Variants in ZNF277 observed in about 807,000 individuals in gnomAD.
ZNF277 encodes the protein zinc finger protein 277.
In ZNF277, 55 loss-of-function variants were observed where a neutral mutation model predicts 60.7. The ratio of observed to expected loss-of-function variants is 0.91; its 90% confidence interval spans 0.73 to 1.13. The LOEUF (loss-of-function observed/expected upper bound fraction) is 1.13. Among genes scored for constraint, ZNF277 ranks in the 50% most tolerant of loss-of-function variants. The probability of loss-of-function intolerance (pLI) is 0.00; values close to 1 mark genes in which losing one functional copy is unlikely to be tolerated. For synonymous variants in ZNF277, 178 were observed against 179.3 expected (o/e 0.99, Z 0.06); for missense variants, 510 against 523.0 (o/e 0.98, Z 0.24).
intron 7 of ZNF277, among the ~76,000 whole-genome samples, chr7:112,333,487 T>C (rs1793267833): frequency 6.6e-6 from 1 of 152,206 alleles, no homozygotes; most frequent in African/African-American, 2.4e-5. Context: ...ATAGCAGATA[T>C]ATGCAGTCAT....
At chr7:112,336,527 C>G (rs77638244) in intron 8 of ZNF277, among the ~76,000 whole-genome samples, 1,966 of 152,252 alleles carry the variant, frequency 0.013, 45 homozygotes, top group African/African-American at 0.045. Context: ...GAGAATATAA[C>G]TGCATTGAAG....
chr7:112,280,654 C>T (rs1339133761), intron 1 of ZNF277, among the ~76,000 whole-genome samples: 1 of 150,852 alleles, frequency 6.6e-6, no homozygotes, highest in East Asian at 1.9e-4. Context: ...GAGACCAAGT[C>T]TCACTCTGTC....
chr7:112,340,587 G>A (rs1793424266), intron 10 of ZNF277, among the ~76,000 whole-genome samples: 1 of 152,138 alleles, frequency 6.6e-6, no homozygotes, highest in South Asian at 2.1e-4. Flanking sequence ...TCTATGCGAT[G>A]CTAGGCAGTT....
At chr7:112,300,769 C>T (rs984588909) in intron 4 of ZNF277, among the ~76,000 whole-genome samples, 2 of 152,158 alleles carry the variant, frequency 1.3e-5, no homozygotes, top group African/African-American at 4.8e-5. Flanking sequence ...TTGCTATTTG[C>T]CTGTTCTCCT....
chr7:112,207,585 T>G (rs987876160), intron 1 of ZNF277, among the ~76,000 whole-genome samples: 1 of 152,164 alleles, frequency 6.6e-6, no homozygotes, highest in African/African-American at 2.4e-5. Flanking sequence ...AAAACCAAAT[T>G]TTGAAAGCTG....
At chr7:112,232,121 A>G (rs997598909) in intron 1 of ZNF277, among the ~76,000 whole-genome samples, 4 of 148,506 alleles carry the variant, frequency 2.7e-5, no homozygotes, top group Non-Finnish European at 5.9e-5. Flanking sequence ...CCCTTCTCTC[A>G]TAAGTGTCAT....
intron 1 of ZNF277, among the ~76,000 whole-genome samples, chr7:112,213,190 C>T (rs1184693099): frequency 1.3e-5 from 2 of 152,170 alleles, no homozygotes; most frequent in Non-Finnish European, 2.9e-5. Flanking sequence ...CCTGCACAAG[C>T]TCTCTCTTTG....
chr7:112,247,537 A>G (rs1791112096), intron 1 of ZNF277, among the ~76,000 whole-genome samples: 1 of 152,224 alleles, frequency 6.6e-6, no homozygotes, highest in Admixed American at 6.5e-5. Flanking sequence ...GTGTGAGGCA[A>G]AGAAGATGTG....
intron 1 of ZNF277, among the ~76,000 whole-genome samples, chr7:112,211,965 AGAGTGGCTACTATTTT>A (rs1821759864): frequency 6.6e-6 from 1 of 152,248 alleles, no homozygotes; most frequent in African/African-American, 2.4e-5. Context: ...CAAGGCATTT[AGAGTGGCTACTATTTT>A]GAGCAGAGGA....
At chr7:112,285,434 A>AC (rs1491136650) in intron 1 of ZNF277, among the ~76,000 whole-genome samples, 2 of 127,498 alleles carry the variant, frequency 1.6e-5, no homozygotes, top group East Asian at 2.2e-4. Context: ...AAAATAGGAA[A>AC]TTTTTTTTTT....
intron 4 of ZNF277, among the ~76,000 whole-genome samples, chr7:112,306,916 C>T (rs1355167326): frequency 3.9e-5 from 6 of 152,086 alleles, no homozygotes; most frequent in Non-Finnish European, 7.4e-5. Context: ...CCAGCTCTTA[C>T]ACCCCAGAAC....
intron 4 of ZNF277, among the ~76,000 whole-genome samples, chr7:112,296,925 T>TTTTTA (rs1563219776): frequency 2.5e-5 from 2 of 80,970 alleles, no homozygotes; most frequent in Non-Finnish European, 5.5e-5. Context: ...TTTTTTTTTT[T>TTTTTA]TTTTTTTTTT....
intron 4 of ZNF277, among the ~76,000 whole-genome samples, chr7:112,297,194 T>G (rs975236769): frequency 1.3e-5 from 2 of 151,974 alleles, no homozygotes; most frequent in Non-Finnish European, 2.9e-5. Flanking sequence ...CCCAAAGTGC[T>G]GAGATTACAG....
intron 7 of ZNF277, among the ~76,000 whole-genome samples, chr7:112,335,303 T>C (rs1002387554): frequency 3.9e-5 from 6 of 152,144 alleles, no homozygotes; most frequent in Non-Finnish European, 7.4e-5. Flanking sequence ...CTTTGTGACA[T>C]TGTCTGCTTT....
intron 1 of ZNF277, among the ~76,000 whole-genome samples, chr7:112,216,352 C>T (rs1490900096): frequency 6.6e-6 from 1 of 152,122 alleles, no homozygotes; most frequent in African/African-American, 2.4e-5. Flanking sequence ...CTCTTTTGCC[C>T]AGGCTGGAGT....
At position 112,318,063 on chromosome 7, in the gene ZNF277, G is replaced by A. The variant is rs1442542325; in HGVS notation, c.466-119G>A. ...AGGAATGGAGAAATTTGAAATGTTG[G>A]CAACTTTTATATACTCCCTTTATGC... On this transcript the variant is annotated intron_variant, in intron 4 of 11. Coordinates refer to ENST00000361822, the MANE Select transcript of ZNF277 (RefSeq NM_021994.3). The A allele has an allele frequency of 6.9e-6, 5 of 723,958 alleles. No homozygotes were observed. In the Admixed American group the frequency reaches 1.1e-4, roughly 16 times the overall value. 44.8% of individuals were successfully genotyped at this position (723,958 alleles called of 1,614,324 possible).
chr7:112,311,099 A>T (rs974070967), intron 4 of ZNF277, among the ~76,000 whole-genome samples: 9 of 152,202 alleles, frequency 5.9e-5, no homozygotes, highest in Middle Eastern at 3.4e-3. Context: ...GCTCTTTCAT[A>T]AATTGACTGG....
rs534848372 is a variant in ZNF277, at chr7:112,286,397, T to G, written c.92-476T>G. On this transcript the variant is annotated intron_variant, in intron 1 of 11. Coordinates refer to ENST00000361822, the MANE Select transcript of ZNF277 (RefSeq NM_021994.3). ...CAAATAATCAGAAACAGGAAAGAGT[T>G]TGCAGATGCGACAGGAAGCAACTTA... Among the ~76,000 whole-genome samples the G allele has an allele frequency of 1.4e-4, 21 of 152,328 alleles. No homozygotes were observed. The South Asian group carries it at 3.7e-3, about 27-fold the overall frequency.
intron 1 of ZNF277, among the ~76,000 whole-genome samples, chr7:112,259,468 C>A (rs1446318844): frequency 6.6e-6 from 1 of 152,148 alleles, no homozygotes; most frequent in Non-Finnish European, 1.5e-5. Flanking sequence ...GCCGCAGATA[C>A]TTCCCGAAGA....
Sources: gnomAD v4.1 joint callset for allele counts (sites outside exome capture counted in the v4.1 genomes callset) on GRCh38, gnomAD v4.1.1 for gene constraint, MANE v1.5 for transcripts, NCBI Gene and HGNC (gene_info 2026-07-23, HGNC 2026-07-21) for gene names.